The following CSMD3 variants were observed in gnomAD, a reference collection of about 807,000 sequenced individuals.
CSMD3 encodes the protein CUB and sushi domain-containing protein 3.
In CSMD3, 177 loss-of-function variants were observed where a neutral mutation model predicts 435.2. The ratio of observed to expected loss-of-function variants is 0.41; its 90% confidence interval spans 0.36 to 0.46. CSMD3 has a LOEUF of 0.46. CSMD3 is among the 20% of genes least tolerant of loss of function. CSMD3 has a pLI of 0.34. For synonymous variants in CSMD3, 1,656 were observed against 1,520.5 expected (o/e 1.09, Z -2.07); for missense variants, 4,265 against 4,504.6 (o/e 0.95, Z 1.52).
chr8:113,088,506 T>A (rs944684790), intron 5 of CSMD3, among the ~76,000 whole-genome samples: 1 of 150,826 alleles, frequency 6.6e-6, no homozygotes, highest in South Asian at 2.1e-4. Flanking sequence ...GTGGCACATA[T>A]ACACCATGGA....
At chr8:112,230,864 A>C (rs1363917176) in intron 69 of CSMD3, among the ~76,000 whole-genome samples, 1 of 152,162 alleles carries the variant, frequency 6.6e-6, no homozygotes, top group East Asian at 1.9e-4. Context: ...TCAAATAATA[A>C]TTTTTAGAGC....
rs1334340847 is a variant in CSMD3, at chr8:112,304,342, C to T, written c.8266+379G>A. Among the ~76,000 whole-genome samples, 4 of 149,756 alleles carry T rather than the reference C, an allele frequency of 2.7e-5. No individual in the cohort carries two copies. In the East Asian group the frequency reaches 7.9e-4, roughly 29 times the overall value. On this transcript the variant is annotated intron_variant, in intron 52 of 70. Transcript: ENST00000297405. ...CATTTCTCTATCATTTATAGGCTCT[C>T]TGACTTTAATAGAATGATTACATCT...
chr8:112,818,288 A>G (rs2079435822), intron 12 of CSMD3, among the ~76,000 whole-genome samples: 1 of 152,146 alleles, frequency 6.6e-6, no homozygotes, highest in Non-Finnish European at 1.5e-5. Context: ...TAAAATAATT[A>G]GAACATAAAA....
intron 13 of CSMD3, among the ~76,000 whole-genome samples, chr8:112,773,577 A>G (rs2078174011): frequency 6.6e-6 from 1 of 152,040 alleles, no homozygotes; most frequent in Non-Finnish European, 1.5e-5. Flanking sequence ...TAAGAAACTT[A>G]AGGAAGTAAG....
chr8:113,260,822 G>T (rs1164230365), intron 3 of CSMD3, among the ~76,000 whole-genome samples: 1 of 152,124 alleles, frequency 6.6e-6, no homozygotes, highest in African/African-American at 2.4e-5. Context: ...AGAACATGTG[G>T]TGTTTGGTTT....
chr8:112,516,924 C>A (rs1339261621), intron 28 of CSMD3, 110 bp downstream of exon 28: 2 of 813,150 alleles, frequency 2.5e-6, no homozygotes, highest in African/African-American at 1.7e-5. Context: ...CCTCTGAAAT[C>A]TTAGACTCTC....
intron 10 of CSMD3, among the ~76,000 whole-genome samples, chr8:112,884,737 G>A (rs796456834): frequency 1.4e-4 from 21 of 150,730 alleles, no homozygotes; most frequent in African/African-American, 4.6e-4. Flanking sequence ...TTTTTACTTG[G>A]TACTTTACCA....
chr8:112,268,379 T>C (rs1483842860), intron 59 of CSMD3, among the ~76,000 whole-genome samples: 2 of 152,220 alleles, frequency 1.3e-5, no homozygotes, highest in African/African-American at 4.8e-5. Context: ...AAATAACCTC[T>C]ATGCTACAAA....
intron 68 of CSMD3, among the ~76,000 whole-genome samples, chr8:112,232,362 C>T (rs1426771845): frequency 2.6e-5 from 4 of 152,154 alleles, no homozygotes; most frequent in Admixed American, 6.5e-5. Flanking sequence ...AATTCCAACA[C>T]TTTGGAAGGC....
intron 61 of CSMD3, 42 bp downstream of exon 61, chr8:112,263,597 T>A (rs2130378630): frequency 6.3e-7 from 1 of 1,580,126 alleles, no homozygotes; most frequent in Non-Finnish European, 8.7e-7. Context: ...TAGAAAAATT[T>A]GAAAATTTTA....
intron 27 of CSMD3, among the ~76,000 whole-genome samples, chr8:112,528,863 C>G (rs1222650853): frequency 2.6e-5 from 4 of 152,020 alleles, no homozygotes. Flanking sequence ...ATGTAGCACC[C>G]CAACCATTCC....
At chr8:113,409,079 CTT>C (rs1218107775) in intron 1 of CSMD3, among the ~76,000 whole-genome samples, 7 of 99,092 alleles carry the variant, frequency 7.1e-5, no homozygotes, top group African/African-American at 2.7e-4. Flanking sequence ...TCTTCTTCTT[CTT>C]TTTTTTTTTT....
intron 13 of CSMD3, among the ~76,000 whole-genome samples, chr8:112,756,488 T>C (rs1199338756): frequency 2.0e-5 from 3 of 152,198 alleles, no homozygotes; most frequent in Admixed American, 6.5e-5. Context: ...ACTTGATATA[T>C]GAGCCCTTTC....
At chr8:112,704,408 T>A (rs1333945843) in intron 13 of CSMD3, among the ~76,000 whole-genome samples, 1 of 152,160 alleles carries the variant, frequency 6.6e-6, no homozygotes, top group Non-Finnish European at 1.5e-5. Context: ...TTGCACTGAG[T>A]ATTTATCACA....
intron 18 of CSMD3, among the ~76,000 whole-genome samples, chr8:112,653,055 G>A (rs1224644235): frequency 6.6e-6 from 1 of 152,038 alleles, no homozygotes; most frequent in Non-Finnish European, 1.5e-5. Context: ...GACCTCAAGT[G>A]ACACTCCCGC....
At chr8:112,871,724 G>T (rs1270838813) in intron 10 of CSMD3, among the ~76,000 whole-genome samples, 1 of 151,990 alleles carries the variant, frequency 6.6e-6, no homozygotes, top group African/African-American at 2.4e-5. Flanking sequence ...ACAATATTTG[G>T]TGTATACTTT....
chr8:112,523,218 T>A (rs1289095461), intron 27 of CSMD3, among the ~76,000 whole-genome samples: 1 of 151,948 alleles, frequency 6.6e-6, no homozygotes, highest in African/African-American at 2.4e-5. Flanking sequence ...GTGTACCGTA[T>A]TAAGAAAAGA....
At chr8:113,177,389 G>C (rs1442563683) in intron 3 of CSMD3, among the ~76,000 whole-genome samples, 2 of 151,912 alleles carry the variant, frequency 1.3e-5, no homozygotes, top group Non-Finnish European at 2.9e-5. Context: ...ATGTGTTTTT[G>C]AAGCAAATTA....
chr8:112,706,864 AG>A (rs1264275425), intron 13 of CSMD3, among the ~76,000 whole-genome samples: 4 of 152,100 alleles, frequency 2.6e-5, no homozygotes, highest in African/African-American at 9.7e-5. Context: ...CTAATAATAG[AG>A]CAGTAAAATG....
Sources: allele counts gnomAD v4.1 joint callset (sites outside exome capture counted in the v4.1 genomes callset), GRCh38; gene constraint gnomAD v4.1.1; transcripts MANE v1.5; gene names NCBI Gene and HGNC (gene_info 2026-07-23, HGNC 2026-07-21).